Variants in ERBB4 observed in about 807,000 individuals in gnomAD.
ERBB4 encodes the protein erb-b2 receptor tyrosine kinase 4.
Under a neutral mutation model 158.0 loss-of-function variants are expected in ERBB4, and 42 were observed. The ratio of observed to expected loss-of-function variants is 0.27; its 90% CI spans 0.21 to 0.34. The LOEUF is 0.34. Among genes scored for constraint, ERBB4 ranks in the 10% least tolerant of loss-of-function variants. The probability of loss-of-function intolerance (pLI) is 1.00; values close to 1 mark genes in which losing one functional copy is unlikely to be tolerated. For missense variants in ERBB4, 1,333 were observed against 1,624.1 expected (o/e 0.82, Z 3.08); for synonymous variants, 583 against 558.7 (o/e 1.04, Z -0.61).
chr2:211,880,141 T>C (rs894487745), intron 3 of ERBB4, among the ~76,000 whole-genome samples: 2 of 152,086 alleles, frequency 1.3e-5, no homozygotes, highest in Non-Finnish European at 2.9e-5. Context: ...TTCCTTCTCT[T>C]ACCCAAGACA....
chr2:211,558,972 G>A (rs2067312531), intron 20 of ERBB4, among the ~76,000 whole-genome samples: 1 of 152,030 alleles, frequency 6.6e-6, no homozygotes, highest in African/African-American at 2.4e-5. Flanking sequence ...ATTCCTAAAT[G>A]TATATATACA....
intron 1 of ERBB4, among the ~76,000 whole-genome samples, chr2:212,503,801 G>A (rs1033406412): frequency 1.3e-5 from 2 of 152,022 alleles, no homozygotes; most frequent in South Asian, 2.1e-4. Flanking sequence ...TACCACGGGT[G>A]TTTTTGAATT....
chr2:212,200,675 G>A (rs926646999), intron 1 of ERBB4, among the ~76,000 whole-genome samples: 4 of 152,180 alleles, frequency 2.6e-5, no homozygotes, highest in Admixed American at 2.6e-4. Flanking sequence ...GTCAAAAAGT[G>A]TAAGAGAGTT....
At chr2:212,319,689 G>C (rs922726381) in intron 1 of ERBB4, among the ~76,000 whole-genome samples, 1 of 150,240 alleles carries the variant, frequency 6.7e-6, no homozygotes, top group African/African-American at 2.4e-5. Context: ...TGATTGAGAA[G>C]ACAGAAGCTC....
chr2:212,084,630 T>G (rs922772740), intron 2 of ERBB4, among the ~76,000 whole-genome samples: 5 of 151,888 alleles, frequency 3.3e-5, no homozygotes, highest in African/African-American at 1.2e-4. Context: ...GATTTTGAAG[T>G]GAGATAGTCG....
At chr2:212,408,814 A>T (rs1365643210) in intron 1 of ERBB4, among the ~76,000 whole-genome samples, 1 of 152,064 alleles carries the variant, frequency 6.6e-6, no homozygotes, top group Non-Finnish European at 1.5e-5. Flanking sequence ...ATTTTACTAA[A>T]CTTTCCCTAA....
intron 3 of ERBB4, among the ~76,000 whole-genome samples, chr2:211,836,171 A>C (rs2105984611): frequency 6.6e-6 from 1 of 152,192 alleles, no homozygotes; most frequent in South Asian, 2.1e-4. Flanking sequence ...ACGATGGAAA[A>C]ATATTTTGTA....
At chr2:212,412,432 T>G (rs1242606484) in intron 1 of ERBB4, among the ~76,000 whole-genome samples, 5 of 152,158 alleles carry the variant, frequency 3.3e-5, no homozygotes, top group Non-Finnish European at 7.3e-5. Context: ...TCCCCACGAC[T>G]CCTTCTCTTT....
chr2:212,512,343 C>A (rs1226608087), intron 1 of ERBB4, among the ~76,000 whole-genome samples: 1 of 146,922 alleles, frequency 6.8e-6, no homozygotes, highest in East Asian at 1.9e-4. Flanking sequence ...TATATACACA[C>A]AAATATATAT....
chr2:212,479,013 G>A (rs1241184462), intron 1 of ERBB4, among the ~76,000 whole-genome samples: 4 of 152,096 alleles, frequency 2.6e-5, no homozygotes, highest in Admixed American at 1.3e-4. Context: ...GCCCCACTGG[G>A]CACTATGCCA....
chr2:211,415,107 C>CT (rs71047175), intron 25 of ERBB4, among the ~76,000 whole-genome samples: 5,306 of 72,340 alleles, frequency 0.073, 1,601 homozygotes, highest in African/African-American at 0.082. Flanking sequence ...CTTACATTTT[C>CT]TTTTTTTTTT....
intron 1 of ERBB4, among the ~76,000 whole-genome samples, chr2:212,328,136 G>C (rs1403523141): frequency 6.6e-6 from 1 of 151,938 alleles, no homozygotes; most frequent in African/African-American, 2.4e-5. Context: ...TGGCAGATGG[G>C]TTGGTTTGAT....
chr2:211,766,469 T>C (rs928972553), intron 4 of ERBB4, among the ~76,000 whole-genome samples: 1 of 152,200 alleles, frequency 6.6e-6, no homozygotes, highest in Non-Finnish European at 1.5e-5. Flanking sequence ...GTAAATGTTA[T>C]GAAAAGGGAA....
intron 1 of ERBB4, among the ~76,000 whole-genome samples, chr2:212,481,217 C>T (rs1689680689): frequency 6.6e-6 from 1 of 151,782 alleles, no homozygotes; most frequent in Admixed American, 6.6e-5. Context: ...ATATATACAT[C>T]TTTAAGTTAT....
chr2:211,566,904 C>G (rs1340253089), intron 19 of ERBB4, among the ~76,000 whole-genome samples: 1 of 152,084 alleles, frequency 6.6e-6, no homozygotes, highest in Non-Finnish European at 1.5e-5. Flanking sequence ...GGCCCCACTC[C>G]CAGATACTCA....
chr2:211,531,121 A>G (rs1469751962), intron 20 of ERBB4, among the ~76,000 whole-genome samples: 1 of 152,148 alleles, frequency 6.6e-6, no homozygotes, highest in Admixed American at 6.5e-5. Flanking sequence ...ATCTACAAGA[A>G]TTAAACTAGA....
At chr2:211,550,507 C>T (rs2067058371) in intron 20 of ERBB4, among the ~76,000 whole-genome samples, 1 of 149,916 alleles carries the variant, frequency 6.7e-6, no homozygotes, top group South Asian at 2.1e-4. Context: ...TTTCCTGGGT[C>T]TCCAGCTTGC....
chr2:211,641,121 T>TC (rs1338275321), intron 16 of ERBB4, among the ~76,000 whole-genome samples: 1 of 152,214 alleles, frequency 6.6e-6, no homozygotes, highest in African/African-American at 2.4e-5. Flanking sequence ...ATTAATAGCT[T>TC]CACATTTTTA....
At chr2:212,362,067 T>C (rs747427966) in intron 1 of ERBB4, among the ~76,000 whole-genome samples, 9 of 151,548 alleles carry the variant, frequency 5.9e-5, no homozygotes, top group Non-Finnish European at 8.9e-5. Context: ...ATGAGACAAA[T>C]TGTATAATTG....
Sources: allele counts gnomAD v4.1 joint callset (sites outside exome capture counted in the v4.1 genomes callset), GRCh38; gene constraint gnomAD v4.1.1; transcripts MANE v1.5; gene names NCBI Gene and HGNC (gene_info 2026-07-23, HGNC 2026-07-21).